The following INSL6 variants were observed in gnomAD, a reference collection of about 807,000 sequenced individuals.
INSL6 encodes insulin-like peptide INSL6.
A neutral mutation model predicts 9.4 loss-of-function variants in INSL6; 16 were observed. The ratio of observed to expected loss-of-function variants is 1.70; its 90% CI spans 1.15 to 2.59. The LOEUF is 2.59. INSL6 is among the 30% of genes most tolerant of loss of function. INSL6 has a pLI of 0.00. For missense variants in INSL6, 391 were observed against 257.3 expected, an observed-to-expected ratio of 1.52 and a Z score of -3.56; for synonymous variants, 154 against 96.9, an observed-to-expected ratio of 1.59 and a Z score of -3.46.
At chr9:5,111,609 T>C in the INSL6 span, 1 of 368,648 alleles carries the variant, frequency 2.7e-6, no homozygotes. Context: ...CTGGGCCAGG[T>C]GGGCTTTGGC....
chr9:5,046,935 T>C, the INSL6 span, among the ~76,000 whole-genome samples: 51,216 of 151,924 alleles, frequency 0.34, 9,246 homozygotes, highest in African/African-American at 0.47. Flanking sequence ...TTCATTCAGC[T>C]ACTTTAGCCT....
At chr9:5,070,613 G>T in the INSL6 span, among the ~76,000 whole-genome samples, 1 of 151,954 alleles carries the variant, frequency 6.6e-6, no homozygotes, top group African/African-American at 2.4e-5. Context: ...AGCAGGACTT[G>T]CTGTGTCACC....
chr9:5,165,180 C>T (rs1484962132), intron 1 of INSL6, among the ~76,000 whole-genome samples: 4 of 151,974 alleles, frequency 2.6e-5, no homozygotes, highest in Admixed American at 6.6e-5. Context: ...CACTGCACTC[C>T]GGTCTAGGTG....
intron 1 of INSL6, among the ~76,000 whole-genome samples, chr9:5,175,046 TCTC>T (rs1825266863): frequency 6.6e-6 from 1 of 151,992 alleles, no homozygotes; most frequent in African/African-American, 2.4e-5. Flanking sequence ...TTCACACCAT[TCTC>T]CTGCCTCAGT....
At chr9:5,180,169 T>C (rs1244711997) in intron 1 of INSL6, among the ~76,000 whole-genome samples, 1 of 152,218 alleles carries the variant, frequency 6.6e-6, no homozygotes, top group Non-Finnish European at 1.5e-5. Context: ...AATAATACTT[T>C]TATAATTTCT....
At chr9:5,000,661 T>C in the INSL6 span, among the ~76,000 whole-genome samples, 1 of 152,214 alleles carries the variant, frequency 6.6e-6, no homozygotes, top group Non-Finnish European at 1.5e-5. Context: ...CCCTATATGC[T>C]CAAAACATTT....
At chr9:5,114,119 G>A in the INSL6 span, 1 of 359,734 alleles carries the variant, frequency 2.8e-6, no homozygotes. Flanking sequence ...ACACCTGCCA[G>A]GTCACCTATC....
downstream of INSL6, among the ~76,000 whole-genome samples, chr9:5,162,972 G>GA (rs975081022): frequency 2.6e-5 from 4 of 151,646 alleles, no homozygotes; most frequent in African/African-American, 7.3e-5. Flanking sequence ...GTGTGGACAG[G>GA]AAAAAAAACA....
the INSL6 span, chr9:5,111,374 C>G: frequency 2.5e-6 from 1 of 402,696 alleles, no homozygotes; most frequent in Non-Finnish European, 4.8e-6. Context: ...CCTACGCCAG[C>G]AGCTCTGGCG....
At chr9:5,153,232 C>A (rs1169031150) in intron 2 of INSL6, among the ~76,000 whole-genome samples, 2 of 152,102 alleles carry the variant, frequency 1.3e-5, no homozygotes, top group Non-Finnish European at 2.9e-5. Flanking sequence ...GCCAGGGAGC[C>A]AAGTAGTCTG....
chr9:5,037,488 A>C, the INSL6 span, among the ~76,000 whole-genome samples: 1 of 152,238 alleles, frequency 6.6e-6, no homozygotes, highest in African/African-American at 2.4e-5. Flanking sequence ...CTGGATTAAG[A>C]AAATGTGGCA....
At chr9:5,058,562 T>C in the INSL6 span, among the ~76,000 whole-genome samples, 1 of 152,184 alleles carries the variant, frequency 6.6e-6, no homozygotes, top group Non-Finnish European at 1.5e-5. Context: ...CCAAACCATG[T>C]CATACCTAGA....
In INSL6 at chr9:5,185,204, G is replaced by A. The variant is rs572266767; in HGVS notation, c.289+110C>T. Reference sequence around the variant, plus strand: ...TTTTTACAATTTTTTAAAGAGCTGTGTACTAGGCACAAATTCCACTTCCTG... The same window carrying A: ...TTTTTACAATTTTTTAAAGAGCTGTATACTAGGCACAAATTCCACTTCCTG... On this transcript the variant is annotated intron_variant, in intron 1 of 1. Coordinates refer to ENST00000381641, the MANE Select transcript of INSL6 (RefSeq NM_007179.3). 347 of 1,351,120 alleles carry A rather than the reference G, an allele frequency of 2.6e-4. 4 individuals carry two copies. The South Asian group carries it at 4.0e-3, about 15-fold the overall frequency. 83.7% of individuals were successfully genotyped at this position (1,351,120 alleles called of 1,614,324 possible).
chr9:5,065,170 A>G, the INSL6 span: 1 of 486,462 alleles, frequency 2.1e-6, no homozygotes, highest in South Asian at 5.6e-5. Flanking sequence ...ACAAAAGGCT[A>G]TTTGCAATCA....
the INSL6 span, chr9:5,098,735 C>T: frequency 6.6e-6 from 1 of 151,752 alleles, no homozygotes; most frequent in South Asian, 2.1e-4. Flanking sequence ...GCTCTGTCGC[C>T]CAGGCTGCAG....
chr9:5,050,580 C>G, the INSL6 span: 1 of 1,202,456 alleles, frequency 8.3e-7, no homozygotes, highest in Non-Finnish European at 1.2e-6. Flanking sequence ...CAATTTGTAT[C>G]TTGTAAATGC....
the INSL6 span, among the ~76,000 whole-genome samples, chr9:4,998,565 A>T: frequency 6.6e-6 from 1 of 151,548 alleles, no homozygotes; most frequent in Non-Finnish European, 1.5e-5. Flanking sequence ...AAAAACTCCA[A>T]CTTTTAGAGG....
the INSL6 span, chr9:5,041,381 G>C: frequency 7.9e-6 from 5 of 629,180 alleles, no homozygotes; most frequent in African/African-American, 1.8e-5. Context: ...CCTGGGCAAG[G>C]AGCAGAGCCA....
chr9:5,008,885 C>T, the INSL6 span, among the ~76,000 whole-genome samples: 1 of 152,102 alleles, frequency 6.6e-6, no homozygotes, highest in Non-Finnish European at 1.5e-5. Flanking sequence ...TTATTTCTTA[C>T]TTTTATGCTC....
Sources: allele counts gnomAD v4.1 joint callset (sites outside exome capture counted in the v4.1 genomes callset), GRCh38; gene constraint gnomAD v4.1.1; transcripts MANE v1.5; gene names NCBI Gene and HGNC (gene_info 2026-07-23, HGNC 2026-07-21).